AOPEP: variants seen among roughly 807,000 people sequenced by gnomAD.
AOPEP encodes aminopeptidase O.
In AOPEP, 77 loss-of-function variants were observed where a neutral mutation model predicts 98.1. The ratio of observed to expected loss-of-function variants is 0.78; its 90% CI spans 0.65 to 0.95. The LOEUF (loss-of-function observed/expected upper bound fraction) is 0.95. Among genes scored for constraint, AOPEP ranks in the 40% least tolerant of loss-of-function variants. AOPEP has a pLI of 0.00. For missense variants in AOPEP, 1,024 were observed against 1,024.7 expected, an observed-to-expected ratio of 1.00 and a Z score of 0.01; for synonymous variants, 346 against 365.3, an observed-to-expected ratio of 0.95 and a Z score of 0.60.
intron 5 of AOPEP, among the ~76,000 whole-genome samples, chr9:94,919,535 G>C (rs575551141): frequency 1.3e-3 from 203 of 152,302 alleles, no homozygotes; most frequent in African/African-American, 4.4e-3. Context: ...GCGTCCAGGA[G>C]AGAGGGACTA....
chr9:95,083,960 C>T (rs939655800), intron 16 of AOPEP, among the ~76,000 whole-genome samples: 3 of 152,192 alleles, frequency 2.0e-5, no homozygotes, highest in African/African-American at 7.2e-5. Flanking sequence ...TGGGTTTCTA[C>T]ACTATTAAAG....
chr9:94,962,218 A>T (rs1229684909), intron 9 of AOPEP, among the ~76,000 whole-genome samples: 1 of 152,242 alleles, frequency 6.6e-6, no homozygotes, highest in East Asian at 1.9e-4. Flanking sequence ...TTTAGGTGAC[A>T]GCCCTAGAAC....
intron 11 of AOPEP, among the ~76,000 whole-genome samples, chr9:94,984,929 G>A (rs1344010761): frequency 1.3e-5 from 2 of 152,224 alleles, no homozygotes; most frequent in African/African-American, 4.8e-5. Flanking sequence ...ACAGGTACGG[G>A]GCGGGAGTGC....
the AOPEP span, chr9:95,117,297 A>G: frequency 6.2e-7 from 1 of 1,612,570 alleles, no homozygotes; most frequent in Non-Finnish European, 8.5e-7. Flanking sequence ...GATGTGGGCA[A>G]AGTCAACCCT....
chr9:95,137,055 C>G, the AOPEP span, among the ~76,000 whole-genome samples: 1 of 152,056 alleles, frequency 6.6e-6, no homozygotes, highest in South Asian at 2.1e-4. Flanking sequence ...CTGTCTTGCC[C>G]CAAGAAAAAC....
chr9:94,943,673 C>G (rs2057279961), intron 7 of AOPEP, among the ~76,000 whole-genome samples: 1 of 150,692 alleles, frequency 6.6e-6, no homozygotes, highest in East Asian at 1.9e-4. Context: ...AATCCCAGCA[C>G]TTTGGGACGC....
At chr9:94,869,301 G>A (rs2046057335) in intron 5 of AOPEP, among the ~76,000 whole-genome samples, 1 of 152,206 alleles carries the variant, frequency 6.6e-6, no homozygotes, top group South Asian at 2.1e-4. Flanking sequence ...CCATGTTGCT[G>A]TGGCAATAGC....
At chr9:95,090,078 G>A (rs1214331226), downstream of AOPEP, among the ~76,000 whole-genome samples, 3 of 152,212 alleles carry the variant, frequency 2.0e-5, no homozygotes, top group Non-Finnish European at 4.4e-5. Context: ...CTGAGGCTGC[G>A]TGGGGCTAAA....
chr9:95,012,447 G>A (rs187071138), intron 13 of AOPEP, among the ~76,000 whole-genome samples: 91 of 152,230 alleles, frequency 6.0e-4, no homozygotes, highest in Admixed American at 2.4e-3. Flanking sequence ...AAAATTTCGT[G>A]GCTTTTTAGT....
chr9:95,050,810 T>C (rs377638594), intron 13 of AOPEP, among the ~76,000 whole-genome samples: 6 of 152,362 alleles, frequency 3.9e-5, no homozygotes, highest in African/African-American at 1.4e-4. Flanking sequence ...ATTTATGTTG[T>C]CTTGACTGTG....
At chr9:94,844,096 G>A (rs772690133) in intron 5 of AOPEP, among the ~76,000 whole-genome samples, 3 of 151,888 alleles carry the variant, frequency 2.0e-5, no homozygotes, top group African/African-American at 4.8e-5. Context: ...TCCCTCTGTC[G>A]CCCAGCTGGA....
rs1264468536 is a variant in AOPEP at position 94,760,539 on chromosome 9, T to C, written c.756T>C (p.Pro252=). The part of the protein sequence containing the change: ...HAIRIWYKTK[P]EGRSVTWTSD... ...TCAGGATATGGTACAAAACTAAACC[T>C]GAAGGGCGATCGGTTACATGGACCT... Residue 252 remains proline, a synonymous_variant, in exon 2 of 17, where the codon CCT becomes CCC. Coordinates refer to ENST00000375315, the MANE Select transcript of AOPEP (RefSeq NM_001193329.3). 8.9e-6 allele frequency: 14 copies of C among 1,568,314 alleles called. No homozygotes were observed. The highest frequency in any genetic ancestry group is 5.5e-5 in the African/African-American group (4 of 73,054).
At chr9:95,044,850 G>C (rs901380835) in intron 13 of AOPEP, among the ~76,000 whole-genome samples, 3 of 152,166 alleles carry the variant, frequency 2.0e-5, no homozygotes, top group East Asian at 1.9e-4. Context: ...GGCAGTGGGG[G>C]AAGGGGGAGA....
At chr9:94,877,906 C>T (rs1368046756) in intron 5 of AOPEP, among the ~76,000 whole-genome samples, 10 of 152,132 alleles carry the variant, frequency 6.6e-5, no homozygotes, top group Non-Finnish European at 1.5e-4. Flanking sequence ...CTGTTTCTAG[C>T]GAGTGCAGGA....
chr9:94,756,563 A>G (rs530546367), intron 1 of AOPEP, among the ~76,000 whole-genome samples: 13 of 152,208 alleles, frequency 8.5e-5, no homozygotes, highest in African/African-American at 3.1e-4. Context: ...CAAGAGAAAA[A>G]TGTCAAATGA....
At chr9:94,780,020 G>C (rs1842934261) in intron 3 of AOPEP, among the ~76,000 whole-genome samples, 1 of 152,202 alleles carries the variant, frequency 6.6e-6, no homozygotes, top group African/African-American at 2.4e-5. Context: ...TCATTTGGCA[G>C]TACTCACATC....
intron 9 of AOPEP, among the ~76,000 whole-genome samples, chr9:94,964,246 G>T (rs1292987837): frequency 6.6e-6 from 1 of 152,202 alleles, no homozygotes; most frequent in Non-Finnish European, 1.5e-5. Context: ...TTGCCTGCAG[G>T]CCTGAGCTCT....
chr9:95,047,289 C>T (rs1225278748), intron 13 of AOPEP, among the ~76,000 whole-genome samples: 1 of 152,176 alleles, frequency 6.6e-6, no homozygotes, highest in East Asian at 1.9e-4. Flanking sequence ...TTTAATATTC[C>T]TCCATTCAGT....
intron 13 of AOPEP, among the ~76,000 whole-genome samples, chr9:95,053,145 T>C (rs1385975613): frequency 1.3e-5 from 2 of 152,234 alleles, no homozygotes; most frequent in Admixed American, 6.5e-5. Flanking sequence ...CTTCATAAAG[T>C]AGATCTCTCT....
Sources: allele counts gnomAD v4.1 joint callset (sites outside exome capture counted in the v4.1 genomes callset), GRCh38; gene constraint gnomAD v4.1.1; transcripts MANE v1.5; gene names NCBI Gene and HGNC (gene_info 2026-07-23, HGNC 2026-07-21).